STAC: variants seen among roughly 807,000 people sequenced by gnomAD.
STAC encodes SH3 and cysteine rich domain.
STAC carries 43 observed loss-of-function variants against 48.8 expected under a neutral mutation model. The ratio of observed to expected loss-of-function variants is 0.88; its 90% CI spans 0.69 to 1.14. STAC has a LOEUF of 1.14. Among genes scored for constraint, STAC ranks in the 50% most tolerant of loss-of-function variants. The pLI is 0.00. For missense variants in STAC, 497 were observed against 504.0 expected (o/e 0.99, Z 0.13); for synonymous variants, 193 against 179.5 (o/e 1.07, Z -0.60).
chr3:36,462,430 T>G (rs553148290), intron 2 of STAC, among the ~76,000 whole-genome samples: 1 of 152,222 alleles, frequency 6.6e-6, no homozygotes, highest in Admixed American at 6.5e-5. Context: ...GATATAATTT[T>G]GAAATAATCA....
At chr3:36,545,872 A>T (rs1042526811) in intron 10 of STAC, among the ~76,000 whole-genome samples, 2 of 152,332 alleles carry the variant, frequency 1.3e-5, no homozygotes, top group Non-Finnish European at 2.9e-5. Context: ...GCTCCTTGAC[A>T]AACATTATTA....
intron 1 of STAC, among the ~76,000 whole-genome samples, chr3:36,413,429 T>C (rs1465187369): frequency 1.3e-5 from 2 of 152,244 alleles, no homozygotes; most frequent in Non-Finnish European, 2.9e-5. Context: ...CATTATGTAA[T>C]GGCCTTCTTT....
intron 2 of STAC, among the ~76,000 whole-genome samples, chr3:36,455,998 TAATA>T (rs567727732): frequency 1.3e-3 from 197 of 152,128 alleles, no homozygotes; most frequent in Middle Eastern, 0.01. Context: ...AACAACATTA[TAATA>T]AATAAACATA....
chr3:36,523,502 C>G (rs2125727618), intron 8 of STAC, among the ~76,000 whole-genome samples: 1 of 152,286 alleles, frequency 6.6e-6, no homozygotes, highest in African/African-American at 2.4e-5. Context: ...TTTTAAGTAA[C>G]TGGGGGCCCA....
At position 36,546,394 on chromosome 3, in the gene STAC, C is replaced by A. The variant is rs977826823; in HGVS notation, c.*105C>A. 2.1e-6 allele frequency: 2 copies of A among 944,208 alleles called. No homozygotes were observed. The highest frequency in any genetic ancestry group is 4.9e-5 in the East Asian group (2 of 40,730). 58.5% of individuals were successfully genotyped at this position (944,208 alleles called of 1,614,324 possible). On this transcript the variant is annotated 3_prime_UTR_variant, in exon 11 of 11. Transcript: ENST00000273183. The stretch of plus-strand genomic sequence containing the variant: ...GGAGCTGCCGCACTGACCCAGCCCC[C>A]CAGGAAACAGTGAGACAAGAATCAA...
chr3:36,509,080 T>C (rs373210024), intron 8 of STAC, among the ~76,000 whole-genome samples: 285 of 152,258 alleles, frequency 1.9e-3, no homozygotes, highest in African/African-American at 6.5e-3. Flanking sequence ...ATATTTAGTG[T>C]TTCCTTCAGG....
intron 1 of STAC, among the ~76,000 whole-genome samples, chr3:36,421,742 A>G (rs1344113563): frequency 6.6e-6 from 1 of 152,088 alleles, no homozygotes; most frequent in Non-Finnish European, 1.5e-5. Flanking sequence ...CATTCCATGA[A>G]AGCTTCCCAA....
At chr3:36,446,054 A>C (rs538309185) in intron 2 of STAC, among the ~76,000 whole-genome samples, 14 of 152,206 alleles carry the variant, frequency 9.2e-5, no homozygotes, top group Admixed American at 7.2e-4. Flanking sequence ...GTGCCCATCC[A>C]TTTCTAATTT....
At chr3:36,503,385 A>G (rs965685358) in intron 6 of STAC, among the ~76,000 whole-genome samples, 6 of 152,100 alleles carry the variant, frequency 3.9e-5, no homozygotes, top group African/African-American at 1.4e-4. Flanking sequence ...GGGTATGTGA[A>G]CAATGAAAAC....
chr3:36,458,002 A>G (rs1450812764), intron 2 of STAC, among the ~76,000 whole-genome samples: 1 of 152,202 alleles, frequency 6.6e-6, no homozygotes, highest in Non-Finnish European at 1.5e-5. Flanking sequence ...TTTATAAACA[A>G]TGAATGCCAT....
At chr3:36,396,671 T>A (rs190040868) in intron 1 of STAC, among the ~76,000 whole-genome samples, 1 of 152,180 alleles carries the variant, frequency 6.6e-6, no homozygotes, top group African/African-American at 2.4e-5. Flanking sequence ...TTTCCCTGCT[T>A]TTAAAAGCAG....
At chr3:36,451,605 CT>C (rs963623889) in intron 2 of STAC, among the ~76,000 whole-genome samples, 1 of 152,056 alleles carries the variant, frequency 6.6e-6, no homozygotes, top group Non-Finnish European at 1.5e-5. Flanking sequence ...AATTCTTTTT[CT>C]TCTTTTCTTT....
chr3:36,428,103 T>C (rs969492020), intron 1 of STAC, among the ~76,000 whole-genome samples: 3 of 152,200 alleles, frequency 2.0e-5, no homozygotes, highest in Admixed American at 6.5e-5. Context: ...AAAGGTGTTA[T>C]TAGTTCTGCT....
intron 1 of STAC, among the ~76,000 whole-genome samples, chr3:36,383,493 A>G (rs571092870): frequency 6.6e-6 from 1 of 152,326 alleles, no homozygotes; most frequent in East Asian, 1.9e-4. Context: ...GGATCATTTT[A>G]AAGCAAATTC....
chr3:36,541,369 C>T (rs896303298), intron 10 of STAC, among the ~76,000 whole-genome samples: 3 of 152,140 alleles, frequency 2.0e-5, no homozygotes, highest in African/African-American at 2.4e-5. Flanking sequence ...GACTCTGCTT[C>T]GTGGGAAAAC....
intron 1 of STAC, among the ~76,000 whole-genome samples, chr3:36,423,888 T>C (rs1488825481): frequency 6.6e-6 from 1 of 152,154 alleles, no homozygotes; most frequent in African/African-American, 2.4e-5. Flanking sequence ...ATCTTTCTTC[T>C]TTTGCTCATA....
intron 1 of STAC, among the ~76,000 whole-genome samples, chr3:36,406,397 T>C (rs1019612086): frequency 6.6e-6 from 1 of 152,162 alleles, no homozygotes; most frequent in Non-Finnish European, 1.5e-5. Flanking sequence ...TTGTTCCAAA[T>C]TGGCAAAAGA....
chr3:36,383,734 A>C (rs1252243554), intron 1 of STAC, among the ~76,000 whole-genome samples: 1 of 152,248 alleles, frequency 6.6e-6, no homozygotes, highest in East Asian at 1.9e-4. Flanking sequence ...GCATATATGC[A>C]TCATCTAGGG....
rs545306737 is a variant in STAC, at chr3:36,469,848, G to C, written c.389-13144G>C. Among the ~76,000 whole-genome samples the C allele has an allele frequency of 5.3e-5, 8 of 151,970 alleles. No individual in the cohort carries two copies. The East Asian group carries it at 1.4e-3, about 26-fold the overall frequency. On this transcript the variant is annotated intron_variant, in intron 2 of 10. Coordinates refer to ENST00000273183, the MANE Select transcript of STAC (RefSeq NM_003149.3). ...AGCTCTGAAATTCTTTCTTGTGCTT[G>C]TTTGATTCTATTGTCAAGACTTTCC...
Sources: gnomAD v4.1 joint callset for allele counts (sites outside exome capture counted in the v4.1 genomes callset) on GRCh38, gnomAD v4.1.1 for gene constraint, MANE v1.5 for transcripts, NCBI Gene and HGNC (gene_info 2026-07-23, HGNC 2026-07-21) for gene names.